ZNF804A: variants seen among roughly 807,000 people sequenced by gnomAD.
ZNF804A encodes the protein zinc finger protein 804A.
In ZNF804A, 2 loss-of-function variants were observed where a neutral mutation model predicts 16.5. That is an observed-to-expected ratio of 0.12 (90% CI 0.05 to 0.38). The LOEUF (loss-of-function observed/expected upper bound fraction) is 0.38, where lower values mean the gene tolerates loss of function less well. Among genes scored for constraint, ZNF804A ranks in the 10% least tolerant of loss-of-function variants. The probability of loss-of-function intolerance (pLI) is 0.99; values close to 1 mark genes in which losing one functional copy is unlikely to be tolerated. For missense variants in ZNF804A, 1,473 were observed against 1,390.7 expected (o/e 1.06, Z -0.94); for synonymous variants, 534 against 489.6 (o/e 1.09, Z -1.20).
At chr2:184,674,917 G>A (rs890435505) in intron 1 of ZNF804A, among the ~76,000 whole-genome samples, 1 of 151,728 alleles carries the variant, frequency 6.6e-6, no homozygotes, top group Non-Finnish European at 1.5e-5. Context: ...TCTTCCTAAA[G>A]TTTACTTATT....
chr2:184,876,535 C>T (rs1244708536), intron 2 of ZNF804A, among the ~76,000 whole-genome samples: 1 of 152,000 alleles, frequency 6.6e-6, no homozygotes. Context: ...ATTTTTGCTC[C>T]AAGAAATGCA....
At chr2:184,697,972 C>CT (rs1692859994) in intron 1 of ZNF804A, among the ~76,000 whole-genome samples, 1 of 151,974 alleles carries the variant, frequency 6.6e-6, no homozygotes, top group Non-Finnish European at 1.5e-5. Context: ...TACTGTATAT[C>CT]TAATATATAT....
chr2:184,897,742 T>C (rs1490149870), intron 2 of ZNF804A, among the ~76,000 whole-genome samples: 2 of 152,098 alleles, frequency 1.3e-5, no homozygotes, highest in African/African-American at 4.8e-5. Context: ...CTTTGGCCAT[T>C]AGGAACTCTT....
intron 1 of ZNF804A, among the ~76,000 whole-genome samples, chr2:184,797,177 T>C (rs373741202): frequency 2.6e-4 from 39 of 152,204 alleles, no homozygotes; most frequent in Admixed American, 1.4e-3. Context: ...CAATTGTTTC[T>C]TTCTTGACTT....
At chr2:184,777,257 A>G (rs1483211468) in intron 1 of ZNF804A, among the ~76,000 whole-genome samples, 2 of 151,654 alleles carry the variant, frequency 1.3e-5, no homozygotes, top group African/African-American at 2.4e-5. Flanking sequence ...ATTTTGATAT[A>G]CCATTTTGGA....
At chr2:184,718,568 A>G (rs1390507702) in intron 1 of ZNF804A, among the ~76,000 whole-genome samples, 1 of 152,188 alleles carries the variant, frequency 6.6e-6, no homozygotes, top group Non-Finnish European at 1.5e-5. Context: ...TACTGGGTAA[A>G]TATAGCCAAT....
intron 1 of ZNF804A, among the ~76,000 whole-genome samples, chr2:184,610,681 A>G (rs1409855645): frequency 6.6e-6 from 1 of 152,172 alleles, no homozygotes; most frequent in East Asian, 1.9e-4. Context: ...TGTTAGCAAA[A>G]TACCACTCCC....
intron 1 of ZNF804A, among the ~76,000 whole-genome samples, chr2:184,856,971 C>T (rs1438905714): frequency 1.3e-5 from 2 of 152,044 alleles, no homozygotes; most frequent in Non-Finnish European, 2.9e-5. Context: ...GTCTTTCTCT[C>T]ATTTGATTTT....
intron 1 of ZNF804A, among the ~76,000 whole-genome samples, chr2:184,663,466 C>T (rs995140034): frequency 3.3e-4 from 50 of 151,984 alleles, no homozygotes; most frequent in Admixed American, 3.3e-4. Context: ...GAGGGTGCCT[C>T]GGTGTGGGCC....
intron 2 of ZNF804A, among the ~76,000 whole-genome samples, chr2:184,914,634 G>A (rs1685417195): frequency 6.6e-6 from 1 of 151,942 alleles, no homozygotes; most frequent in Admixed American, 6.6e-5. Context: ...CATAAAGAAG[G>A]AGAAAACACT....
At chr2:184,739,004 A>C (rs1693674740) in intron 1 of ZNF804A, among the ~76,000 whole-genome samples, 2 of 152,212 alleles carry the variant, frequency 1.3e-5, no homozygotes, top group Non-Finnish European at 2.9e-5. Context: ...CACAAGGTTG[A>C]AATTTTACAC....
At chr2:184,905,182 A>T (rs1199352754) in intron 2 of ZNF804A, among the ~76,000 whole-genome samples, 1 of 152,086 alleles carries the variant, frequency 6.6e-6, no homozygotes, top group Admixed American at 6.6e-5. Flanking sequence ...AAAGGAGTGT[A>T]ATCCTTTGTC....
chr2:184,877,300 T>C (rs1684718558), intron 2 of ZNF804A, among the ~76,000 whole-genome samples: 1 of 152,126 alleles, frequency 6.6e-6, no homozygotes. Flanking sequence ...ACTAATACTT[T>C]ATTTTATTTT....
intron 1 of ZNF804A, among the ~76,000 whole-genome samples, chr2:184,816,538 A>G (rs1294832770): frequency 1.3e-5 from 2 of 152,020 alleles, no homozygotes; most frequent in African/African-American, 2.4e-5. Context: ...CAATTATTCA[A>G]CGTTCAATGT....
chr2:184,765,188 G>A (rs1002226570), intron 1 of ZNF804A, among the ~76,000 whole-genome samples: 1 of 152,124 alleles, frequency 6.6e-6, no homozygotes, highest in African/African-American at 2.4e-5. Context: ...TGTAACTACT[G>A]TGGGTAAGCC....
At chr2:184,814,307 T>A (rs530535084) in intron 1 of ZNF804A, among the ~76,000 whole-genome samples, 1 of 152,198 alleles carries the variant, frequency 6.6e-6, no homozygotes, top group South Asian at 2.1e-4. Context: ...GTCTCTAGCC[T>A]GAGAATTTCA....
intron 1 of ZNF804A, among the ~76,000 whole-genome samples, chr2:184,859,018 T>C (rs980665584): frequency 2.0e-5 from 3 of 152,188 alleles, no homozygotes; most frequent in Non-Finnish European, 2.9e-5. Flanking sequence ...CTGAGAAATA[T>C]GTTGCTCGTT....
chr2:184,780,910 C>T (rs1694362910), intron 1 of ZNF804A, among the ~76,000 whole-genome samples: 2 of 151,718 alleles, frequency 1.3e-5, no homozygotes, highest in Admixed American at 6.6e-5. Flanking sequence ...ACAAATTTCT[C>T]TCTAGGGGTG....
chr2:184,819,494 A>T (rs1412192439), intron 1 of ZNF804A, among the ~76,000 whole-genome samples: 2 of 152,020 alleles, frequency 1.3e-5, no homozygotes, highest in African/African-American at 4.8e-5. Context: ...GCAACCTAAC[A>T]TCACAACAAA....
Sources: allele counts gnomAD v4.1 joint callset (sites outside exome capture counted in the v4.1 genomes callset), GRCh38; gene constraint gnomAD v4.1.1; transcripts MANE v1.5; gene names NCBI Gene and HGNC (gene_info 2026-07-23, HGNC 2026-07-21).